Variants in ARK2C observed in about 807,000 individuals in gnomAD.
ARK2C encodes the protein E3 ubiquitin-protein ligase ARK2C.
chr18:46,430,234 A>C, the ARK2C span, among the ~76,000 whole-genome samples: 2 of 152,168 alleles, frequency 1.3e-5, no homozygotes, highest in Non-Finnish European at 2.9e-5. Context: ...TGGGCAGATA[A>C]TTCTAGATTG....
the ARK2C span, among the ~76,000 whole-genome samples, chr18:46,373,753 A>T: frequency 1.3e-5 from 2 of 152,146 alleles, no homozygotes; most frequent in Non-Finnish European, 2.9e-5. Flanking sequence ...GGGAATTGTT[A>T]TCTGAATCTT....
chr18:46,437,850 T>A, the ARK2C span, among the ~76,000 whole-genome samples: 1 of 152,188 alleles, frequency 6.6e-6, no homozygotes, highest in Non-Finnish European at 1.5e-5. Context: ...GCTGCAGCCC[T>A]GCCTAGGTGG....
At chr18:46,448,814 A>G in the ARK2C span, among the ~76,000 whole-genome samples, 2 of 152,220 alleles carry the variant, frequency 1.3e-5, no homozygotes, top group African/African-American at 4.8e-5. Flanking sequence ...CCATGAAAGC[A>G]GCAAAAGCTT....
At chr18:46,338,652 G>A in the ARK2C span, among the ~76,000 whole-genome samples, 1 of 152,162 alleles carries the variant, frequency 6.6e-6, no homozygotes, top group Non-Finnish European at 1.5e-5. Context: ...GAAGCCAGTG[G>A]AGAGGTATTT....
At chr18:46,371,717 C>T in the ARK2C span, among the ~76,000 whole-genome samples, 1 of 152,166 alleles carries the variant, frequency 6.6e-6, no homozygotes, top group African/African-American at 2.4e-5. Flanking sequence ...TGTTTCCCAG[C>T]TTCAGGTGCG....
chr18:46,341,502 T>C, the ARK2C span, among the ~76,000 whole-genome samples: 5 of 152,058 alleles, frequency 3.3e-5, no homozygotes, highest in African/African-American at 1.2e-4. Context: ...GAACAGTCCA[T>C]TTTGGTGAGA....
the ARK2C span, among the ~76,000 whole-genome samples, chr18:46,420,489 T>A: frequency 6.6e-6 from 1 of 152,146 alleles, no homozygotes; most frequent in African/African-American, 2.4e-5. Context: ...CTGGGTCCCC[T>A]CCTTTTGGCA....
the ARK2C span, among the ~76,000 whole-genome samples, chr18:46,341,465 C>G: frequency 6.6e-6 from 1 of 151,816 alleles, no homozygotes; most frequent in Non-Finnish European, 1.5e-5. Context: ...AGTAGAAGAC[C>G]ATGAAGACAA....
At chr18:46,384,617 G>A in the ARK2C span, among the ~76,000 whole-genome samples, 2 of 152,250 alleles carry the variant, frequency 1.3e-5, no homozygotes, top group South Asian at 4.2e-4. Context: ...ATTCCCTGGA[G>A]AAGCAGCAAA....
At chr18:46,448,750 G>T in the ARK2C span, among the ~76,000 whole-genome samples, 1 of 152,142 alleles carries the variant, frequency 6.6e-6, no homozygotes, top group Non-Finnish European at 1.5e-5. Context: ...GCTGGCTTTG[G>T]GGGCCTTTGG....
At chr18:46,394,261 G>A in the ARK2C span, among the ~76,000 whole-genome samples, 1 of 152,192 alleles carries the variant, frequency 6.6e-6, no homozygotes, top group South Asian at 2.1e-4. Context: ...TCCTTCTGGG[G>A]CAAAAGCGAG....
chr18:46,448,522 G>A, the ARK2C span, among the ~76,000 whole-genome samples: 1 of 152,158 alleles, frequency 6.6e-6, no homozygotes, highest in Non-Finnish European at 1.5e-5. Flanking sequence ...ACTTCATATG[G>A]CCTCATTTAG....
chr18:46,336,857 G>T, the ARK2C span: 3 of 985,254 alleles, frequency 3.0e-6, no homozygotes, highest in Non-Finnish European at 3.6e-6. Flanking sequence ...CACTTAGTTG[G>T]AGGCAAAAAA....
chr18:46,381,871 G>T, the ARK2C span, among the ~76,000 whole-genome samples: 3 of 151,986 alleles, frequency 2.0e-5, no homozygotes, highest in Non-Finnish European at 4.4e-5. Context: ...CCAAAGGTGG[G>T]GTTTCAGGCA....
the ARK2C span, chr18:46,337,354 G>A: frequency 2.0e-6 from 2 of 985,194 alleles, no homozygotes; most frequent in Non-Finnish European, 2.4e-6. Flanking sequence ...TATCCTTTTG[G>A]TTGTGTATCT....
At chr18:46,420,274 C>T in the ARK2C span, among the ~76,000 whole-genome samples, 2 of 152,142 alleles carry the variant, frequency 1.3e-5, no homozygotes, top group African/African-American at 4.8e-5. Flanking sequence ...TGGATGGCTT[C>T]GGGAGCCAGG....
the ARK2C span, among the ~76,000 whole-genome samples, chr18:46,404,773 CACACACACACACAT>C: frequency 6.7e-6 from 1 of 150,006 alleles, no homozygotes; most frequent in Non-Finnish European, 1.5e-5. Flanking sequence ...CACACAAACA[CACACACACACACAT>C]ACACACACAC....
At chr18:46,431,030 C>G in the ARK2C span, among the ~76,000 whole-genome samples, 1 of 152,130 alleles carries the variant, frequency 6.6e-6, no homozygotes, top group South Asian at 2.1e-4. Context: ...TCTCCTAATG[C>G]TCTCCCTCCT....
chr18:46,460,253 A>G, the ARK2C span: 1 of 152,640 alleles, frequency 6.6e-6, no homozygotes, highest in Non-Finnish European at 1.5e-5. Flanking sequence ...CCCCGCCTGT[A>G]GGCGGGACAA....
Sources: allele counts gnomAD v4.1 joint callset (sites outside exome capture counted in the v4.1 genomes callset), GRCh38; gene constraint gnomAD v4.1.1; transcripts MANE v1.5; gene names NCBI Gene and HGNC (gene_info 2026-07-23, HGNC 2026-07-21).